The following EPB41L4B variants were observed in gnomAD, a reference collection of about 807,000 sequenced individuals.
EPB41L4B encodes erythrocyte membrane protein band 4.1 like 4B.
EPB41L4B carries 30 observed loss-of-function variants against 112.5 expected under a neutral mutation model. The observed-to-expected ratio is 0.27, with a 90% CI of 0.20 to 0.36. EPB41L4B has a LOEUF of 0.36. Ranked by LOEUF, EPB41L4B falls within the 10% of genes least tolerant of loss-of-function variation. The pLI is 1.00. For synonymous variants in EPB41L4B, 408 were observed against 439.7 expected (o/e 0.93, Z 0.90); for missense variants, 1,024 against 1,133.3 (o/e 0.90, Z 1.38).
chr9:109,207,422 A>G (rs1388917222), intron 18 of EPB41L4B, among the ~76,000 whole-genome samples: 4 of 151,972 alleles, frequency 2.6e-5, no homozygotes, highest in African/African-American at 7.3e-5. Context: ...AAATACAAAA[A>G]TTAGCCAGGT....
chr9:109,276,090 AT>A (rs1207342788), intron 2 of EPB41L4B, among the ~76,000 whole-genome samples: 1 of 148,146 alleles, frequency 6.8e-6, no homozygotes, highest in African/African-American at 2.5e-5. Flanking sequence ...ATACATATAT[AT>A]TATATATGTG....
At chr9:109,175,525 C>CACACACACAGAGT (rs1645203820) in intron 25 of EPB41L4B, among the ~76,000 whole-genome samples, 2 of 129,906 alleles carry the variant, frequency 1.5e-5, no homozygotes, top group Non-Finnish European at 3.4e-5. Context: ...AGTAAATACA[C>CACACACACAGAGT]ATCTTTTCAT....
Position 109,174,546 on chromosome 9 carries a change from G to T in EPB41L4B, c.*8C>A. On this transcript the variant is annotated 3_prime_UTR_variant, in exon 26 of 26. Transcript: ENST00000374566. ...CCATGCCATCTTCCAGGTGACAAGGGGAGAATTTCACAGTTCGGTCATCAA... is the reference window on the plus strand; with the variant it reads ...CCATGCCATCTTCCAGGTGACAAGGTGAGAATTTCACAGTTCGGTCATCAA... 6.2e-7 allele frequency: 1 copy of T among 1,613,352 alleles called. No individual in the cohort carries two copies. The highest frequency in any genetic ancestry group is 8.5e-7 in the Non-Finnish European group (1 of 1,179,372).
chr9:109,199,136 C>T (rs184160520), intron 20 of EPB41L4B, among the ~76,000 whole-genome samples: 5 of 152,302 alleles, frequency 3.3e-5, no homozygotes, highest in Non-Finnish European at 7.4e-5. Context: ...GTCAGGTGCA[C>T]ATGTGCCCTG....
At chr9:109,318,815 A>G (rs1375157878) in intron 1 of EPB41L4B, among the ~76,000 whole-genome samples, 2 of 152,198 alleles carry the variant, frequency 1.3e-5, no homozygotes, top group Admixed American at 6.5e-5. Context: ...TAGCAAAATG[A>G]TATCTTATGG....
intron 18 of EPB41L4B, among the ~76,000 whole-genome samples, chr9:109,206,335 A>G (rs2118775961): frequency 6.6e-6 from 1 of 152,168 alleles, no homozygotes; most frequent in South Asian, 2.1e-4. Context: ...GGCATGCACC[A>G]CCACACCTGG....
rs1054652863 is a variant in EPB41L4B, at chr9:109,304,886, G to A, written c.306+15255C>T. Among the ~76,000 whole-genome samples, 3 of 152,160 alleles carry A rather than the reference G, an allele frequency of 2.0e-5. No homozygotes were observed. In the South Asian group the frequency reaches 6.2e-4, roughly 32 times the overall value. On this transcript the variant is annotated intron_variant, in intron 1 of 25. Transcript: ENST00000374566. The stretch of plus-strand genomic sequence containing the variant: ...TTAGCGGCTGTCGGGGTTAGGAACA[G>A]GGGAGGAATGACGGCTCAACAGGTA...
intron 15 of EPB41L4B, chr9:109,240,258 A>G: frequency 1.0e-6 from 1 of 985,464 alleles, no homozygotes; most frequent in South Asian, 4.7e-5. Context: ...CAGCACATAC[A>G]CTGAGCATCA....
At chr9:109,277,384 A>C (rs1007686067) in intron 2 of EPB41L4B, among the ~76,000 whole-genome samples, 5 of 150,848 alleles carry the variant, frequency 3.3e-5, no homozygotes, top group Non-Finnish European at 5.9e-5. Flanking sequence ...AAGGAATTTT[A>C]GCTGAACGAC....
chr9:109,310,929 C>A (rs995580514), intron 1 of EPB41L4B, among the ~76,000 whole-genome samples: 1 of 152,148 alleles, frequency 6.6e-6, no homozygotes, highest in Non-Finnish European at 1.5e-5. Flanking sequence ...AAGTGAAATA[C>A]GCCAGCACAA....
At chr9:109,310,074 G>T (rs920220464) in intron 1 of EPB41L4B, among the ~76,000 whole-genome samples, 1 of 152,088 alleles carries the variant, frequency 6.6e-6, no homozygotes, top group Non-Finnish European at 1.5e-5. Flanking sequence ...AGTTCAAAGC[G>T]GTGTTTTTTT....
intron 17 of EPB41L4B, among the ~76,000 whole-genome samples, chr9:109,211,014 AC>A (rs1779283990): frequency 6.6e-6 from 1 of 152,232 alleles, no homozygotes; most frequent in Non-Finnish European, 1.5e-5. Context: ...AATTGTTTAT[AC>A]AAATTGTTTA....
At chr9:109,178,867 T>C (rs1189214027) in intron 24 of EPB41L4B, among the ~76,000 whole-genome samples, 1 of 143,588 alleles carries the variant, frequency 7.0e-6, no homozygotes, top group Admixed American at 7.2e-5. Context: ...ACTGTACTAG[T>C]AGTCATTGTG....
chr9:109,255,583 C>A lies in EPB41L4B; in HGVS notation c.1097G>T (p.Arg366Leu), dbSNP rs374943607. Residue 366 changes from arginine to leucine, a missense_variant, in exon 11 of 26, where the codon CGA becomes CTA. By Grantham distance (102) the Arg-to-Leu change is moderately radical (BLOSUM62 -2). Coordinates refer to ENST00000374566, the MANE Select transcript of EPB41L4B (RefSeq NM_019114.5). ...KCAVEHHAFF[R>L]LRTPGNSKSN... The stretch of plus-strand genomic sequence containing the variant: ...TTTGCTGTTTCCTGGCGTCCGCAGT[C>A]GGAAGAATGCGTGGTGCTCAACTGC... The A allele has an allele frequency of 5.6e-6, 9 of 1,614,078 alleles. No homozygotes were observed. Among genetic ancestry groups the A allele is most frequent in the Non-Finnish European group, 7.6e-6 (9 of 1,180,048 alleles).
In EPB41L4B at chr9:109,203,697, T is replaced by G. The variant is rs1438888315; in HGVS notation, c.1912A>C (p.Asn638His). The change falls in exon 19 of 26, where the codon AAT becomes CAT. Residue 638 changes from asparagine to histidine, a missense_variant. Asn to His is a moderately conservative substitution (Grantham distance 68). Coordinates refer to ENST00000374566, the MANE Select transcript of EPB41L4B (RefSeq NM_019114.5). The part of the protein sequence containing the change: ...GKEESPFVNI[N>H]KKSSLQDASV... ...GCGTCCTGAAGACTGGATTTCTTAT[T>G]GATATTTACAAACGGTGATTCCTCC... is the stretch of plus-strand genomic sequence containing the variant. 1 of 1,613,976 alleles carries G rather than the reference T, an allele frequency of 6.2e-7. No individual in the cohort carries two copies. The highest frequency in any genetic ancestry group is 8.5e-7 in the Non-Finnish European group (1 of 1,179,944).
At chr9:109,244,670 T>A (rs895705668) in intron 14 of EPB41L4B, among the ~76,000 whole-genome samples, 2 of 151,974 alleles carry the variant, frequency 1.3e-5, no homozygotes, top group Non-Finnish European at 2.9e-5. Context: ...CGGACTGAGG[T>A]GCAGCCCTAG....
At chr9:109,251,351 C>A in intron 13 of EPB41L4B, 130 bp downstream of exon 13, 1 of 853,512 alleles carries the variant, frequency 1.2e-6, no homozygotes, top group Non-Finnish European at 2.0e-6. Context: ...AGCCAGGCAG[C>A]AGAAAAAGGG....
At chr9:109,218,883 C>G (rs1303269461) in intron 15 of EPB41L4B, among the ~76,000 whole-genome samples, 1 of 152,176 alleles carries the variant, frequency 6.6e-6, no homozygotes, top group Non-Finnish European at 1.5e-5. Flanking sequence ...GTTCAGATCT[C>G]TACTGCCCAC....
chr9:109,241,492 C>T (rs1256343843), intron 15 of EPB41L4B: 11 of 1,393,390 alleles, frequency 7.9e-6, no homozygotes, highest in Non-Finnish European at 7.4e-6. Context: ...TAAATTATGA[C>T]AAGCTATAGT....
Sources: allele counts gnomAD v4.1 joint callset (sites outside exome capture counted in the v4.1 genomes callset), GRCh38; gene constraint gnomAD v4.1.1; transcripts MANE v1.5; gene names NCBI Gene and HGNC (gene_info 2026-07-23, HGNC 2026-07-21).